Variants in FARS2 observed in about 807,000 individuals in gnomAD.
The protein encoded by FARS2 is phenylalanine--tRNA ligase, mitochondrial.
A neutral mutation model predicts 46.4 loss-of-function variants in FARS2; 40 were observed. That is an observed-to-expected ratio of 0.86 (90% CI 0.67 to 1.12). The LOEUF (loss-of-function observed/expected upper bound fraction) is 1.12. Ranked by LOEUF, FARS2 falls within the 50% of genes most tolerant of loss-of-function variation. The pLI, the probability that FARS2 is intolerant of heterozygous loss-of-function variation, is 0.00. For synonymous variants in FARS2, 234 were observed against 214.9 expected (o/e 1.09, Z -0.78); for missense variants, 513 against 567.9 (o/e 0.90, Z 0.98).
chr6:5,540,308 A>T (rs1419147196), intron 4 of FARS2, among the ~76,000 whole-genome samples: 1 of 152,220 alleles, frequency 6.6e-6, no homozygotes, highest in African/African-American at 2.4e-5. Flanking sequence ...GATGGTATTT[A>T]TTCCCTTCAA....
chr6:5,619,396 A>G (rs1163250777), intron 6 of FARS2, among the ~76,000 whole-genome samples: 1 of 152,130 alleles, frequency 6.6e-6, no homozygotes, highest in Non-Finnish European at 1.5e-5. Context: ...GATTCTGCTC[A>G]TAGACTCACT....
At chr6:5,389,735 TG>T (rs1172764317) in intron 2 of FARS2, among the ~76,000 whole-genome samples, 1 of 152,224 alleles carries the variant, frequency 6.6e-6, no homozygotes, top group East Asian at 1.9e-4. Flanking sequence ...AATGTTACAA[TG>T]GAAAAATGCC....
intron 6 of FARS2, among the ~76,000 whole-genome samples, chr6:5,635,399 A>T (rs759038726): frequency 1.6e-3 from 241 of 152,020 alleles, no homozygotes; most frequent in Middle Eastern, 6.8e-3. Flanking sequence ...TTAAGGTCTA[A>T]TTGTTTTTGA....
At chr6:5,504,575 A>T (rs1202692100) in intron 4 of FARS2, among the ~76,000 whole-genome samples, 1 of 152,204 alleles carries the variant, frequency 6.6e-6, no homozygotes, top group Admixed American at 6.5e-5. Context: ...AGACGTCAAC[A>T]ACTTCAAGTC....
At chr6:5,294,516 G>C (rs947029565) in intron 1 of FARS2, among the ~76,000 whole-genome samples, 1 of 152,172 alleles carries the variant, frequency 6.6e-6, no homozygotes, top group African/African-American at 2.4e-5. Flanking sequence ...CCCAGAGATA[G>C]TGTCAGATCC....
chr6:5,486,898 G>C (rs1312228693), intron 4 of FARS2, among the ~76,000 whole-genome samples: 1 of 152,128 alleles, frequency 6.6e-6, no homozygotes, highest in East Asian at 1.9e-4. Flanking sequence ...AGTATTATTA[G>C]CAATCTCAAA....
chr6:5,544,552 A>C (rs1019579327), intron 4 of FARS2, among the ~76,000 whole-genome samples: 1 of 152,158 alleles, frequency 6.6e-6, no homozygotes, highest in South Asian at 2.1e-4. Context: ...AATTTATGGC[A>C]CTGACACAAT....
At chr6:5,403,685 G>A (rs889521078) in intron 2 of FARS2, among the ~76,000 whole-genome samples, 10 of 151,946 alleles carry the variant, frequency 6.6e-5, no homozygotes, top group African/African-American at 2.2e-4. Context: ...ACTAGAAATG[G>A]CAGCTGACTC....
At chr6:5,522,553 G>C (rs148464165) in intron 4 of FARS2, among the ~76,000 whole-genome samples, 1 of 152,208 alleles carries the variant, frequency 6.6e-6, no homozygotes, top group Non-Finnish European at 1.5e-5. Flanking sequence ...TCATGTGCTC[G>C]GACCAGCGGA....
At chr6:5,730,183 T>C (rs1166610773) in intron 6 of FARS2, among the ~76,000 whole-genome samples, 6 of 151,198 alleles carry the variant, frequency 4.0e-5, no homozygotes, top group African/African-American at 1.2e-4. Flanking sequence ...CATCTGTCCA[T>C]GTAGCTGAGC....
chr6:5,314,502 G>A (rs983293226), intron 1 of FARS2, among the ~76,000 whole-genome samples: 1 of 152,180 alleles, frequency 6.6e-6, no homozygotes, highest in African/African-American at 2.4e-5. Context: ...CTTTCAGGAG[G>A]TAGCTGAGAA....
At chr6:5,345,819 A>T (rs943882891) in intron 1 of FARS2, among the ~76,000 whole-genome samples, 6 of 152,242 alleles carry the variant, frequency 3.9e-5, no homozygotes, top group Non-Finnish European at 8.8e-5. Flanking sequence ...ATTTCTAATA[A>T]ATGTCAAAAT....
intron 6 of FARS2, among the ~76,000 whole-genome samples, chr6:5,739,794 A>G (rs1379013293): frequency 6.6e-6 from 1 of 152,140 alleles, no homozygotes; most frequent in Non-Finnish European, 1.5e-5. Flanking sequence ...GTGCCGCCAC[A>G]AGGTCACACA....
chr6:5,513,689 T>C (rs1346110721), intron 4 of FARS2, among the ~76,000 whole-genome samples: 4 of 152,196 alleles, frequency 2.6e-5, no homozygotes, highest in Non-Finnish European at 5.9e-5. Flanking sequence ...GTGATAAGAA[T>C]GGTAACGTCA....
intron 6 of FARS2, among the ~76,000 whole-genome samples, chr6:5,641,312 T>TTTTA (rs1482971512): frequency 6.7e-6 from 1 of 148,618 alleles, no homozygotes; most frequent in Non-Finnish European, 1.5e-5. Flanking sequence ...ATTTTATTTT[T>TTTTA]TTGAGACATA....
At chr6:5,553,285 C>T (rs1771473108) in intron 5 of FARS2, among the ~76,000 whole-genome samples, 1 of 152,166 alleles carries the variant, frequency 6.6e-6, no homozygotes, top group Non-Finnish European at 1.5e-5. Flanking sequence ...GGCTGCAAAC[C>T]TATGATACTA....
At chr6:5,260,465 A>G (rs1024438266), upstream of FARS2, among the ~76,000 whole-genome samples, 2 of 152,210 alleles carry the variant, frequency 1.3e-5, no homozygotes, top group African/African-American at 2.4e-5. Flanking sequence ...CTCCTCCCCG[A>G]GGTCTCAGAG....
At chr6:5,444,780 TG>T (rs374844456) in intron 4 of FARS2, among the ~76,000 whole-genome samples, 3,845 of 80,684 alleles carry the variant, frequency 0.048, 177 homozygotes, top group African/African-American at 0.11. Flanking sequence ...AACAGTAAAA[TG>T]GGGCGGGGGG....
intron 4 of FARS2, among the ~76,000 whole-genome samples, chr6:5,507,807 G>C (rs1768187812): frequency 6.6e-6 from 1 of 152,256 alleles, no homozygotes; most frequent in Non-Finnish European, 1.5e-5. Flanking sequence ...CAAGGGAGAA[G>C]CAGAGAGCAG....
Sources: gnomAD v4.1 joint callset for allele counts (sites outside exome capture counted in the v4.1 genomes callset) on GRCh38, gnomAD v4.1.1 for gene constraint, MANE v1.5 for transcripts, NCBI Gene and HGNC (gene_info 2026-07-23, HGNC 2026-07-21) for gene names.